The following LMAN2L variants were observed in gnomAD, a reference collection of about 807,000 sequenced individuals.
The protein encoded by LMAN2L is lectin, mannose binding 2 like.
Under a neutral mutation model 44.3 loss-of-function variants are expected in LMAN2L, and 30 were observed. That is an observed-to-expected ratio of 0.68 (90% confidence interval 0.51 to 0.92). LMAN2L has a LOEUF of 0.92. Ranked by LOEUF, LMAN2L falls within the 40% of genes least tolerant of loss-of-function variation. The pLI is 0.00. For missense variants in LMAN2L, 429 were observed against 446.1 expected, an observed-to-expected ratio of 0.96 and a Z score of 0.35; for synonymous variants, 183 against 171.1, an observed-to-expected ratio of 1.07 and a Z score of -0.54.
intron 4 of LMAN2L, among the ~76,000 whole-genome samples, chr2:96,721,321 TCA>T (rs1200209504): frequency 6.7e-6 from 1 of 150,098 alleles, no homozygotes; most frequent in Non-Finnish European, 1.5e-5. Context: ...TTAATTTCTT[TCA>T]GTCTTTTTTT....
intron 7 of LMAN2L, 127 bp from the exon 8 acceptor site, chr2:96,707,525 T>C (rs570303362): frequency 5.7e-5 from 72 of 1,265,538 alleles, no homozygotes; most frequent in Middle Eastern, 2.8e-4. Context: ...TTAGACCCCC[T>C]CTTTCCAACT....
intron 1 of LMAN2L, among the ~76,000 whole-genome samples, chr2:96,738,503 A>C (rs1368350785): frequency 6.6e-6 from 1 of 151,210 alleles, no homozygotes; most frequent in African/African-American, 2.4e-5. Context: ...ACATAGAAAG[A>C]CCCTGTCTTT....
intron 6 of LMAN2L, 101 bp from the exon 7 acceptor site, chr2:96,707,934 G>C: frequency 8.3e-7 from 1 of 1,201,544 alleles, no homozygotes; most frequent in Non-Finnish European, 1.2e-6. Flanking sequence ...CAGCTAACCA[G>C]CAGTGACCTT....
At chr2:96,730,414 G>T (rs1447410465) in intron 4 of LMAN2L, among the ~76,000 whole-genome samples, 1 of 152,074 alleles carries the variant, frequency 6.6e-6, no homozygotes, top group Non-Finnish European at 1.5e-5. Context: ...GGCCCCAAGT[G>T]GTATATGGTG....
At chr2:96,717,592 C>A in intron 4 of LMAN2L, among the ~76,000 whole-genome samples, 1 of 150,876 alleles carries the variant, frequency 6.6e-6, no homozygotes, top group East Asian at 1.9e-4. Flanking sequence ...GTAACCCCAG[C>A]ACTTTGTGAG....
At chr2:96,724,077 A>C (rs1178444644) in intron 4 of LMAN2L, among the ~76,000 whole-genome samples, 2 of 151,768 alleles carry the variant, frequency 1.3e-5, no homozygotes, top group African/African-American at 2.4e-5. Context: ...CCAGCCTGGG[A>C]GACAGAGCGA....
chr2:96,717,232 CAAAG>C (rs1386063012), intron 4 of LMAN2L, among the ~76,000 whole-genome samples: 2 of 151,836 alleles, frequency 1.3e-5, no homozygotes, highest in African/African-American at 2.4e-5. Flanking sequence ...CACACACACA[CAAAG>C]AAAGAGGTTA....
At chr2:96,724,208 A>G (rs2078220982) in intron 4 of LMAN2L, among the ~76,000 whole-genome samples, 1 of 152,224 alleles carries the variant, frequency 6.6e-6, no homozygotes, top group Non-Finnish European at 1.5e-5. Context: ...TGCCAGTAGC[A>G]CACTGTCTTT....
intron 4 of LMAN2L, among the ~76,000 whole-genome samples, chr2:96,726,622 A>G (rs1159837826): frequency 6.6e-6 from 1 of 151,772 alleles, no homozygotes; most frequent in African/African-American, 2.4e-5. Flanking sequence ...GTCACTACTA[A>G]AAATACAAAA....
chr2:96,739,852 AC>A lies in LMAN2L; in HGVS notation c.187+1del, dbSNP rs1205188215. 1 of 1,612,788 alleles carries A rather than the reference AC, an allele frequency of 6.2e-7. No individual in the cohort carries two copies. The highest frequency in any genetic ancestry group is 1.3e-5 in the African/African-American group (1 of 74,730). On this transcript the variant is annotated splice_donor_variant, in intron 1 of 7. Coordinates refer to ENST00000264963, the MANE Select transcript of LMAN2L (RefSeq NM_030805.4). LOFTEE classifies it high-confidence loss of function. ...ACGACCACCTCACCCTGGGCGCCTCACCCTGGTAGGGCTTCGACAGCGAGTG... is the reference window on the plus strand; with the variant it reads ...ACGACCACCTCACCCTGGGCGCCTCACCTGGTAGGGCTTCGACAGCGAGTG...
At chr2:96,737,299 A>G (rs1282963618) in intron 2 of LMAN2L, 3 of 369,026 alleles carry the variant, frequency 8.1e-6, no homozygotes, top group Admixed American at 4.0e-5. Flanking sequence ...TTTATATCAG[A>G]CTCTTCAAAT....
At chr2:96,709,906 G>A (rs1348529835) in intron 6 of LMAN2L, among the ~76,000 whole-genome samples, 1 of 152,194 alleles carries the variant, frequency 6.6e-6, no homozygotes, top group Non-Finnish European at 1.5e-5. Flanking sequence ...ATTCTCCCCT[G>A]CCATTTCTGA....
At chr2:96,734,874 G>A (rs1309981172) in intron 2 of LMAN2L, among the ~76,000 whole-genome samples, 1 of 152,212 alleles carries the variant, frequency 6.6e-6, no homozygotes, top group Non-Finnish European at 1.5e-5. Flanking sequence ...TTAGAGTACA[G>A]ATGGCTGAAT....
chr2:96,733,627 CAAT>C (rs1460681602), intron 3 of LMAN2L, 26 bp from the exon 4 acceptor site: 2 of 1,568,018 alleles, frequency 1.3e-6, no homozygotes, highest in Admixed American at 3.4e-5. Flanking sequence ...AGATGATGAA[CAAT>C]GAAATAAAGC....
At chr2:96,726,677 A>G (rs1380706924) in intron 4 of LMAN2L, among the ~76,000 whole-genome samples, 3 of 151,974 alleles carry the variant, frequency 2.0e-5, no homozygotes, top group Non-Finnish European at 4.4e-5. Flanking sequence ...CCAGCTGCTC[A>G]GGAGGCTGGG....
intron 6 of LMAN2L, 84 bp downstream of exon 6, chr2:96,711,572 T>C: frequency 1.1e-6 from 1 of 889,164 alleles, no homozygotes; most frequent in South Asian, 1.4e-5. Context: ...CTCCTCTGGC[T>C]CTCCCCTGTG....
Position 96,707,697 on chromosome 2 carries a change from C to T in LMAN2L, c.904+17G>A, listed in dbSNP as rs143295409. The T allele has an allele frequency of 1.9e-4, 306 of 1,613,408 alleles. 2 individuals are homozygous for T. The African/African-American group carries it at 3.4e-3, about 18-fold the overall frequency. On this transcript the variant is annotated intron_variant, in intron 7 of 7. Transcript: ENST00000264963. ...TCCCCAACTATGGGACCATTTCCCG[C>T]GGGCCCCTGTGCTCACTCTCAGGCA... is the stretch of plus-strand genomic sequence containing the variant.
intron 4 of LMAN2L, among the ~76,000 whole-genome samples, chr2:96,732,080 T>A (rs2078410026): frequency 6.6e-6 from 1 of 152,006 alleles, no homozygotes; most frequent in Non-Finnish European, 1.5e-5. Context: ...CTCAAACTGC[T>A]AACCTCAAGT....
intron 6 of LMAN2L, 63 bp from the exon 7 acceptor site, chr2:96,707,896 C>T (rs759276147): frequency 2.2e-5 from 35 of 1,557,862 alleles, no homozygotes; most frequent in Non-Finnish European, 2.9e-5. Context: ...TTCTTGAAGT[C>T]AGTATCTTAG....
Sources: allele counts gnomAD v4.1 joint callset (sites outside exome capture counted in the v4.1 genomes callset), GRCh38; gene constraint gnomAD v4.1.1; transcripts MANE v1.5; gene names NCBI Gene and HGNC (gene_info 2026-07-23, HGNC 2026-07-21).